The following HRH2 variants were observed in gnomAD, a reference collection of about 807,000 sequenced individuals.
The protein encoded by HRH2 is histamine receptor H2, also known as histamine H2 receptor.
A neutral mutation model predicts 20.1 loss-of-function variants in HRH2; 4 were observed. The ratio of observed to expected loss-of-function variants is 0.20; its 90% CI spans 0.10 to 0.45. The LOEUF (loss-of-function observed/expected upper bound fraction) is 0.45, where lower values mean the gene tolerates loss of function less well. Ranked by LOEUF, HRH2 falls within the 20% of genes least tolerant of loss-of-function variation. HRH2 has a pLI of 0.99. For missense variants in HRH2, 250 were observed against 461.6 expected, an observed-to-expected ratio of 0.54 and a Z score of 4.20; for synonymous variants, 197 against 200.7, an observed-to-expected ratio of 0.98 and a Z score of 0.16.
chr5:175,702,632 AG>A (rs1202178443), intron 2 of HRH2, among the ~76,000 whole-genome samples: 1 of 149,938 alleles, frequency 6.7e-6, no homozygotes, highest in East Asian at 1.9e-4. Context: ...GCTCACTGAA[AG>A]CTCCGCCTCC....
At chr5:175,689,837 T>A (rs1024562195) in intron 2 of HRH2, among the ~76,000 whole-genome samples, 5 of 151,882 alleles carry the variant, frequency 3.3e-5, no homozygotes, top group Non-Finnish European at 5.9e-5. Flanking sequence ...GAATCCGGAG[T>A]TCCCAACAAC....
intron 1 of HRH2, among the ~76,000 whole-genome samples, chr5:175,661,385 G>A (rs1001633313): frequency 1.3e-5 from 2 of 152,148 alleles, no homozygotes; most frequent in African/African-American, 4.8e-5. Context: ...GAAGAAATAC[G>A]AAATTATTAA....
chr5:175,673,549 A>G (rs1010413493), intron 1 of HRH2, among the ~76,000 whole-genome samples: 1 of 152,144 alleles, frequency 6.6e-6, no homozygotes, highest in Non-Finnish European at 1.5e-5. Context: ...GCGACTGACA[A>G]TGGGAACAAG....
Position 175,683,078 on chromosome 5 carries a change from C to A in HRH2, c.-156C>A. ...CCCAGAGTCAGTCATTGAAGCCTTCCCCACCCCCTGGCCAAAAAAAAAAAA... is the reference window on the plus strand; with the variant it reads ...CCCAGAGTCAGTCATTGAAGCCTTCACCACCCCCTGGCCAAAAAAAAAAAA... On this transcript the variant is annotated 5_prime_UTR_variant, in exon 2 of 3. Transcript: ENST00000636584. 1 of 937,954 alleles carries A rather than the reference C, an allele frequency of 1.1e-6. No homozygotes were observed. 58.1% of individuals were successfully genotyped at this position (937,954 alleles called of 1,614,324 possible). A position where few individuals can be genotyped will look rare whatever the true frequency, so the allele number is the denominator to read the frequency against.
intron 2 of HRH2, among the ~76,000 whole-genome samples, chr5:175,703,637 G>A (rs931596977): frequency 2.0e-5 from 3 of 152,024 alleles, no homozygotes; most frequent in Admixed American, 2.0e-4. Context: ...CCAAACTTTA[G>A]TACTTTAAAG....
intron 1 of HRH2, among the ~76,000 whole-genome samples, chr5:175,673,098 A>C (rs769043588): frequency 2.6e-5 from 4 of 152,192 alleles, no homozygotes; most frequent in African/African-American, 4.8e-5. Flanking sequence ...CTGGTGAGGT[A>C]GAAGCAGGCA....
At chr5:175,676,723 C>A (rs568201494) in intron 1 of HRH2, among the ~76,000 whole-genome samples, 2 of 152,316 alleles carry the variant, frequency 1.3e-5, no homozygotes, top group African/African-American at 4.8e-5. Flanking sequence ...AATTTCTTAT[C>A]ACCCACCTCC....
intron 1 of HRH2, among the ~76,000 whole-genome samples, chr5:175,676,339 A>G (rs950432463): frequency 2.6e-5 from 4 of 152,240 alleles, no homozygotes; most frequent in Admixed American, 2.6e-4. Context: ...GTGCACACAC[A>G]CAGAGCTGTT....
intron 1 of HRH2, among the ~76,000 whole-genome samples, chr5:175,658,556 G>C (rs1396811145): frequency 6.6e-6 from 1 of 152,214 alleles, no homozygotes; most frequent in East Asian, 1.9e-4. Flanking sequence ...GGGTCTGGGT[G>C]GTGGCATTTT....
intron 2 of HRH2, among the ~76,000 whole-genome samples, chr5:175,690,518 CTT>C (rs1756332894): frequency 6.6e-6 from 1 of 152,024 alleles, no homozygotes; most frequent in South Asian, 2.1e-4. Context: ...CCATCTATCT[CTT>C]TTTCTTGTTC....
intron 1 of HRH2, among the ~76,000 whole-genome samples, chr5:175,666,426 GA>G (rs1762896125): frequency 6.6e-6 from 1 of 152,092 alleles, no homozygotes; most frequent in Non-Finnish European, 1.5e-5. Context: ...CTCAGGCGCA[GA>G]TTCCTTTTTT....
intron 1 of HRH2, among the ~76,000 whole-genome samples, chr5:175,660,059 G>T (rs1388249657): frequency 6.6e-6 from 1 of 152,154 alleles, no homozygotes; most frequent in Non-Finnish European, 1.5e-5. Context: ...ATCCTAGGCT[G>T]ATGATTAACT....
Position 175,683,256 on chromosome 5 carries a change from C to T in HRH2, c.23C>T (p.Ser8Phe). MAPNGTA[S>F]SFCLDSTACK... ...AGGATGGCACCCAATGGCACAGCCT[C>T]TTCCTTTTGCCTGGACTCTACCGCA... The change falls in exon 2 of 3, where the codon TCT (serine) becomes TTT (phenylalanine). Residue 8 changes from serine to phenylalanine, a missense_variant. Ser to Phe is a radical substitution (Grantham distance 155). Around this residue, in one of 5 missense-constraint regions of HRH2, gnomAD observed 24 missense variants for 22.9 expected, o/e 1.05. Coordinates refer to ENST00000636584, the MANE Select transcript of HRH2 (RefSeq NM_001367711.1). 1 of 1,614,126 alleles carries T rather than the reference C, an allele frequency of 6.2e-7. No individual in the cohort carries two copies. Among genetic ancestry groups the T allele is most frequent in the South Asian group, 1.1e-5 (1 of 91,084 alleles).
Position 175,683,420 on chromosome 5 carries a change from A to T in HRH2, c.187A>T (p.Thr63Ser). ...TTGTTTCATCGTGTCCTTGGCTATC[A>T]CTGACCTGCTCCTCGGCCTCCTGGT... The part of the protein sequence containing the change: ...TNCFIVSLAI[T>S]DLLLGLLVLP... Residue 63 changes from threonine (T) to serine (S), a missense_variant, in exon 2 of 3, where the codon ACT (threonine) becomes TCT (serine). Transcript: ENST00000636584. 6.2e-7 allele frequency: 1 copy of T among 1,614,084 alleles called. No homozygotes were observed. Among genetic ancestry groups the T allele is most frequent in the Non-Finnish European group, 8.5e-7 (1 of 1,180,014 alleles).
At chr5:175,685,470 T>C (rs1231869974) in intron 2 of HRH2, 1 of 1,551,262 alleles carries the variant, frequency 6.4e-7, no homozygotes, top group Admixed American at 2.0e-5. Context: ...CATTCATTTG[T>C]TCATTCATTC....
At position 175,709,864 on chromosome 5, in the gene HRH2, C is replaced by G. The variant is rs1235861227; in HGVS notation, c.*1893C>G. The G allele has an allele frequency of 6.6e-6, 1 of 152,596 alleles. No homozygotes were observed. Among genetic ancestry groups the G allele is most frequent in the Non-Finnish European group, 1.5e-5 (1 of 68,302 alleles). The allele number at this position is 152,596 out of a possible 1,614,324, so 9.5% of individuals were successfully genotyped here. On this transcript the variant is annotated 3_prime_UTR_variant, in exon 3 of 3. Transcript: ENST00000636584. ...CCATCTTCAGCCCAGCCCTCAGGCCCTGTGTGCTGGGACCCTGCTGGGCCC... is the reference window on the plus strand; with the variant it reads ...CCATCTTCAGCCCAGCCCTCAGGCCGTGTGTGCTGGGACCCTGCTGGGCCC...
At chr5:175,669,698 A>G (rs1755455382) in intron 1 of HRH2, among the ~76,000 whole-genome samples, 1 of 152,214 alleles carries the variant, frequency 6.6e-6, no homozygotes, top group Admixed American at 6.5e-5. Flanking sequence ...TGACGAGCAC[A>G]TGGCACCCTC....
intron 1 of HRH2, among the ~76,000 whole-genome samples, chr5:175,672,405 C>A (rs1261885063): frequency 6.6e-6 from 1 of 152,168 alleles, no homozygotes; most frequent in Non-Finnish European, 1.5e-5. Context: ...CTGCCACGCT[C>A]GCCAGCCCAC....
At position 175,687,102 on chromosome 5, in the gene HRH2, C is replaced by T. The variant is rs1281612923; in HGVS notation, c.1076+2793C>T. Among the ~76,000 whole-genome samples the T allele has an allele frequency of 1.3e-5, 2 of 152,198 alleles. No individual in the cohort carries two copies. Among genetic ancestry groups the T allele is most frequent in the East Asian group, 3.9e-4 (2 of 5,188 alleles). On this transcript the variant is annotated intron_variant, in intron 2 of 2. Transcript: ENST00000636584. This position sits in a 1 kb window ranked among gnomAD's most constrained non-coding sequence, Gnocchi z 5.2. ...CTGGAGATCACGGCTATGGTCTGTC[C>T]TCCAGCCCCCAGGAGCAGGGGCAGA...
Sources: gnomAD v4.1 joint callset for allele counts (sites outside exome capture counted in the v4.1 genomes callset) on GRCh38, gnomAD v4.1.1 for gene constraint, gnomAD v4.1.1 regional missense constraint, Gnocchi (gnomAD v3.1) non-coding constraint, MANE v1.5 for transcripts, NCBI Gene and HGNC (gene_info 2026-07-23, HGNC 2026-07-21) for gene names.